CAV1: variants seen among roughly 807,000 people sequenced by gnomAD.
CAV1 encodes the protein caveolin 1, also known as caveolin-1.
In CAV1, 10 loss-of-function variants were observed where a neutral mutation model predicts 16.5. The ratio of observed to expected loss-of-function variants is 0.61; its 90% CI spans 0.37 to 1.03. The LOEUF is 1.03. CAV1 is among the 50% of genes least tolerant of loss of function. The pLI, the probability that CAV1 is intolerant of heterozygous loss-of-function variation, is 0.01. For missense variants in CAV1, 212 were observed against 232.8 expected, an observed-to-expected ratio of 0.91 and a Z score of 0.58; for synonymous variants, 76 against 85.1, an observed-to-expected ratio of 0.89 and a Z score of 0.59.
chr7:116,555,500 G>GA (rs1484422931), intron 2 of CAV1, among the ~76,000 whole-genome samples: 498 of 5,844 alleles, frequency 0.085, 90 homozygotes, highest in South Asian at 0.19. Flanking sequence ...AAGAAAGAAA[G>GA]AAAGAAAGAA....
At chr7:116,535,657 T>C (rs10256914) in intron 2 of CAV1, among the ~76,000 whole-genome samples, 32,961 of 152,152 alleles carry the variant, frequency 0.22, 3,901 homozygotes, top group Middle Eastern at 0.3. Flanking sequence ...CCAAGGGAAT[T>C]AGTTGGTAGA....
chr7:116,534,353 C>T (rs1393253774), intron 2 of CAV1, among the ~76,000 whole-genome samples: 1 of 113,930 alleles, frequency 8.8e-6, no homozygotes, highest in African/African-American at 2.9e-5. Flanking sequence ...GATGCCTGGG[C>T]CCACCTCAGA....
intron 2 of CAV1, among the ~76,000 whole-genome samples, chr7:116,555,512 GAAAGAA>G (rs1318340937): frequency 1.2e-4 from 1 of 8,142 alleles, no homozygotes; most frequent in Non-Finnish European, 2.4e-4. Flanking sequence ...AAGAAAGAAA[GAAAGAA>G]AGAGAGAGAG....
rs1052421551 is a variant in CAV1 at position 116,560,461 on chromosome 7, T to A, written c.*1174T>A. The A allele has an allele frequency of 6.6e-6, 1 of 152,152 alleles. No homozygotes were observed. The highest frequency in any genetic ancestry group is 1.5e-5 in the Non-Finnish European group (1 of 68,028). The allele number at this position is 152,152 out of a possible 1,614,324, so 9.4% of individuals were successfully genotyped here. A position where few individuals can be genotyped will look rare whatever the true frequency, so the allele number is the denominator to read the frequency against. On this transcript the variant is annotated 3_prime_UTR_variant, in exon 3 of 3. Coordinates refer to ENST00000341049, the MANE Select transcript of CAV1 (RefSeq NM_001753.5). ...ACCTGACCCCTGCTCAGTAAAGCAC[T>A]TGCAACCGTCTGTTATGCTGTGACA... is the stretch of plus-strand genomic sequence containing the variant.
At chr7:116,533,407 T>A (rs932968581) in intron 2 of CAV1, among the ~76,000 whole-genome samples, 12 of 147,476 alleles carry the variant, frequency 8.1e-5, no homozygotes, top group East Asian at 5.9e-4. Flanking sequence ...TAAAATAAAA[T>A]AAAAATAAAA....
At chr7:116,533,357 TAAAATAA>T (rs1793724476) in intron 2 of CAV1, among the ~76,000 whole-genome samples, 13 of 8,512 alleles carry the variant, frequency 1.5e-3, no homozygotes, top group Non-Finnish European at 7.7e-4. Context: ...ATAAATAAAA[TAAAATAA>T]AATAAAATAA....
At chr7:116,544,074 A>T (rs1793992438) in intron 2 of CAV1, among the ~76,000 whole-genome samples, 1 of 152,204 alleles carries the variant, frequency 6.6e-6, no homozygotes, top group South Asian at 2.1e-4. Flanking sequence ...CCACCTAAAC[A>T]TTCTTAAGGA....
At chr7:116,538,040 G>C (rs548862304) in intron 2 of CAV1, among the ~76,000 whole-genome samples, 1 of 152,290 alleles carries the variant, frequency 6.6e-6, no homozygotes, top group African/African-American at 2.4e-5. Context: ...ATTCTGTCTG[G>C]ATATACGGGG....
At chr7:116,525,344 TG>T in intron 1 of CAV1, 2 of 1,545,008 alleles carry the variant, frequency 1.3e-6, no homozygotes, top group Non-Finnish European at 1.7e-6. Context: ...AAAAGGGGAT[TG>T]GGGTCCTGAG....
At chr7:116,546,698 A>C (rs896458202) in intron 2 of CAV1, among the ~76,000 whole-genome samples, 2 of 56,824 alleles carry the variant, frequency 3.5e-5, no homozygotes, top group African/African-American at 1.4e-4. Flanking sequence ...ACTCTGTCAC[A>C]AAAAAAAAAA....
intron 2 of CAV1, among the ~76,000 whole-genome samples, chr7:116,553,173 G>T (rs1794197352): frequency 6.6e-6 from 1 of 152,056 alleles, no homozygotes; most frequent in Non-Finnish European, 1.5e-5. Flanking sequence ...ACCCAGAAAA[G>T]ATTCTATATT....
chr7:116,541,985 CA>C (rs905841220), intron 2 of CAV1, among the ~76,000 whole-genome samples: 1 of 152,284 alleles, frequency 6.6e-6, no homozygotes, highest in African/African-American at 2.4e-5. Flanking sequence ...TACATATGAA[CA>C]CTTTCCCCTA....
At chr7:116,528,101 G>A (rs1417062508) in intron 2 of CAV1, among the ~76,000 whole-genome samples, 1 of 147,690 alleles carries the variant, frequency 6.8e-6, no homozygotes, top group African/African-American at 2.5e-5. Context: ...TTCTCATGTG[G>A]CTTTGAACAA....
intron 1 of CAV1, chr7:116,525,693 G>A: frequency 9.2e-7 from 1 of 1,083,894 alleles, no homozygotes. Context: ...CGCCCTCCAC[G>A]CGCTGGAGCT....
At chr7:116,527,364 A>C (rs780671414) in intron 2 of CAV1, among the ~76,000 whole-genome samples, 1 of 152,210 alleles carries the variant, frequency 6.6e-6, no homozygotes, top group Non-Finnish European at 1.5e-5. Flanking sequence ...GGACACCTGC[A>C]CTTAGATGTG....
intron 2 of CAV1, among the ~76,000 whole-genome samples, chr7:116,546,697 C>CAAAAAGAAAAAAAAAAAAA (rs1794054762): frequency 1.1e-5 from 1 of 88,386 alleles, no homozygotes; most frequent in African/African-American, 4.4e-5. Context: ...GACTCTGTCA[C>CAAAAAGAAAAAAAAAAAAA]AAAAAAAAAA....
intron 2 of CAV1, among the ~76,000 whole-genome samples, chr7:116,555,651 A>AAAGG (rs1236099503): frequency 1.3e-5 from 2 of 150,672 alleles, no homozygotes; most frequent in Admixed American, 6.6e-5. Context: ...AGAGAAAGAA[A>AAAGG]AAGGAAGGAA....
At chr7:116,548,059 G>A (rs1794089384) in intron 2 of CAV1, among the ~76,000 whole-genome samples, 1 of 152,090 alleles carries the variant, frequency 6.6e-6, no homozygotes, top group Admixed American at 6.6e-5. Flanking sequence ...TTTCAGATCT[G>A]CTCTCCTAGC....
At chr7:116,539,291 C>T (rs1391949859) in intron 2 of CAV1, among the ~76,000 whole-genome samples, 1 of 152,130 alleles carries the variant, frequency 6.6e-6, no homozygotes, top group Non-Finnish European at 1.5e-5. Flanking sequence ...CCTCTCTCCT[C>T]TCCCTTCCTT....
Sources: allele counts gnomAD v4.1 joint callset (sites outside exome capture counted in the v4.1 genomes callset), GRCh38; gene constraint gnomAD v4.1.1; transcripts MANE v1.5; gene names NCBI Gene and HGNC (gene_info 2026-07-23, HGNC 2026-07-21).